Variants in MCPH1 observed in about 807,000 individuals in gnomAD.
MCPH1 encodes microcephalin 1, also known as microcephalin.
MCPH1 carries 104 observed loss-of-function variants against 84.5 expected under a neutral mutation model. That is an observed-to-expected ratio of 1.23 (90% CI 1.05 to 1.45). The LOEUF (loss-of-function observed/expected upper bound fraction) is 1.45, where lower values mean the gene tolerates loss of function less well. Ranked by LOEUF, MCPH1 falls within the 40% of genes most tolerant of loss-of-function variation. The probability of loss-of-function intolerance (pLI) is 0.00; values close to 1 mark genes in which losing one functional copy is unlikely to be tolerated. For synonymous variants in MCPH1, 514 were observed against 366.8 expected (o/e 1.40, Z -4.58); for missense variants, 1,498 against 1,005.7 (o/e 1.49, Z -6.62).
chr8:6,596,215 C>T (rs190072269), intron 12 of MCPH1, among the ~76,000 whole-genome samples: 2 of 152,236 alleles, frequency 1.3e-5, no homozygotes, highest in East Asian at 3.9e-4. Context: ...AGCTCTGCCA[C>T]GAACTGGCAC....
Position 6,589,484 on chromosome 8 carries a change from C to CTGTCA in MCPH1, c.2215-31969_2215-31968insGTCAT, listed in dbSNP as rs1828272299. Among the ~76,000 whole-genome samples, 3 of 152,308 alleles carry CTGTCA rather than the reference C, an allele frequency of 2.0e-5. No individual in the cohort carries two copies. In the South Asian group the frequency reaches 6.2e-4, roughly 32 times the overall value. ...GGCTTTCTGACATCAGCGTGCATTG[C>CTGTCA]TCTGCATGTCACTTGGAGCACCGGC... is the stretch of plus-strand genomic sequence containing the variant. On this transcript the variant is annotated intron_variant, in intron 12 of 13. Transcript: ENST00000344683.
chr8:6,625,914 C>G (rs1832028552), intron 13 of MCPH1: 13 of 985,146 alleles, frequency 1.3e-5, no homozygotes, highest in Admixed American at 6.1e-5. Context: ...CTAGGAACCT[C>G]TCTGAGAAGT....
At chr8:6,434,840 T>A (rs1802409748) in intron 4 of MCPH1, among the ~76,000 whole-genome samples, 1 of 152,186 alleles carries the variant, frequency 6.6e-6, no homozygotes, top group Admixed American at 6.5e-5. Context: ...TGACTTAAAT[T>A]TCCCTGGGGT....
chr8:6,606,000 T>C (rs1360844637), intron 12 of MCPH1, among the ~76,000 whole-genome samples: 1 of 152,328 alleles, frequency 6.6e-6, no homozygotes, highest in East Asian at 1.9e-4. Context: ...CCTGGCTTTG[T>C]AAAAAATTTT....
chr8:6,491,264 T>G (rs1335600300), intron 11 of MCPH1, among the ~76,000 whole-genome samples: 1 of 151,482 alleles, frequency 6.6e-6, no homozygotes, highest in African/African-American at 2.4e-5. Flanking sequence ...GAAGTCAGAG[T>G]GCTTTGCAAT....
chr8:6,573,584 T>C (rs1826836629), intron 12 of MCPH1, among the ~76,000 whole-genome samples: 1 of 152,228 alleles, frequency 6.6e-6, no homozygotes, highest in Non-Finnish European at 1.5e-5. Context: ...TAAAGAGCTT[T>C]GCCATCAAGT....
At chr8:6,498,267 C>T (rs908157903) in intron 11 of MCPH1, among the ~76,000 whole-genome samples, 1 of 152,136 alleles carries the variant, frequency 6.6e-6, no homozygotes, top group Non-Finnish European at 1.5e-5. Flanking sequence ...TTTAAGTTTG[C>T]TTACAGCCTT....
Position 6,444,812 on chromosome 8 carries a change from C to G in MCPH1, c.1090C>G (p.His364Asp), listed in dbSNP as rs1471646973. 19 of 1,614,096 alleles carry G rather than the reference C, an allele frequency of 1.2e-5. No individual in the cohort carries two copies. The highest frequency in any genetic ancestry group is 1.6e-5 in the Non-Finnish European group (19 of 1,180,024). ...GAGAAAAAGAGTATCACATGGCTCCCATTCACCTCCGAAGGAAAAATGCAA... is the reference window on the plus strand; with the variant it reads ...GAGAAAAAGAGTATCACATGGCTCCGATTCACCTCCGAAGGAAAAATGCAA... ...VKRKRVSHGS[H>D]SPPKEKCKRK... The change falls in exon 8 of 14, where the codon CAT becomes GAT. Residue 364 changes from histidine to aspartate, a missense_variant. Transcript: ENST00000344683.
At chr8:6,524,981 T>C (rs1361322841) in intron 12 of MCPH1, among the ~76,000 whole-genome samples, 1 of 152,254 alleles carries the variant, frequency 6.6e-6, no homozygotes, top group African/African-American at 2.4e-5. Context: ...TGCATGTCTG[T>C]CTAGGTGAAT....
intron 3 of MCPH1, among the ~76,000 whole-genome samples, chr8:6,430,926 C>T (rs1369213024): frequency 6.6e-6 from 1 of 152,140 alleles, no homozygotes; most frequent in East Asian, 1.9e-4. Context: ...ATAAGGGTCA[C>T]AGGAATCCAG....
intron 13 of MCPH1, chr8:6,625,777 C>G (rs1432513509): frequency 3.1e-6 from 3 of 982,116 alleles, no homozygotes; most frequent in Non-Finnish European, 3.6e-6. Flanking sequence ...GAGCAAGACC[C>G]CATCTCTAAA....
At chr8:6,600,600 G>T (rs563960320) in intron 12 of MCPH1, among the ~76,000 whole-genome samples, 1 of 152,350 alleles carries the variant, frequency 6.6e-6, no homozygotes, top group South Asian at 2.1e-4. Flanking sequence ...GTGGGGCAGG[G>T]ACTTTACAAT....
chr8:6,495,795 A>T (rs1175099416), intron 11 of MCPH1, among the ~76,000 whole-genome samples: 1 of 152,226 alleles, frequency 6.6e-6, no homozygotes, highest in African/African-American at 2.4e-5. Flanking sequence ...CTTTACTCCT[A>T]AAGTATCATC....
intron 12 of MCPH1, among the ~76,000 whole-genome samples, chr8:6,567,160 G>A (rs1335733125): frequency 1.1e-4 from 7 of 61,720 alleles, no homozygotes; most frequent in Non-Finnish European, 1.7e-4. Flanking sequence ...GATAGTGCCC[G>A]TGGCGTGGTG....
intron 11 of MCPH1, among the ~76,000 whole-genome samples, chr8:6,481,202 A>G (rs1809192840): frequency 6.6e-6 from 1 of 152,208 alleles, no homozygotes; most frequent in Non-Finnish European, 1.5e-5. Flanking sequence ...GCTTTCCTCT[A>G]TGTGTGACCA....
intron 13 of MCPH1, chr8:6,626,004 G>C (rs1832040288): frequency 2.0e-6 from 2 of 985,284 alleles, no homozygotes; most frequent in South Asian, 4.7e-5. Context: ...TGAAACGACA[G>C]CTCTTCCCCT....
At chr8:6,599,914 G>A (rs973083216) in intron 12 of MCPH1, among the ~76,000 whole-genome samples, 5 of 152,198 alleles carry the variant, frequency 3.3e-5, no homozygotes, top group Admixed American at 3.3e-4. Flanking sequence ...TTGCTTCAAT[G>A]CAATTACTAA....
At chr8:6,590,407 C>G (rs1336244782) in intron 12 of MCPH1, among the ~76,000 whole-genome samples, 1 of 143,242 alleles carries the variant, frequency 7.0e-6, no homozygotes, top group Admixed American at 7.4e-5. Flanking sequence ...TAACCAAAAA[C>G]TACACCATGA....
Position 6,627,769 on chromosome 8 carries a change from T to C in MCPH1, c.2452+6078T>C, listed in dbSNP as rs182476657. On this transcript the variant is annotated intron_variant, in intron 13 of 13. Coordinates refer to ENST00000344683, the MANE Select transcript of MCPH1 (RefSeq NM_024596.5). ...TAGCGGGCATGGTGGTGCAAGCCTATAGTTCCAGCTACATGAGAGGCTAAG... is the reference window on the plus strand; with the variant it reads ...TAGCGGGCATGGTGGTGCAAGCCTACAGTTCCAGCTACATGAGAGGCTAAG... 2.6e-5 allele frequency among the ~76,000 whole-genome samples: 4 copies of C among 152,186 alleles called. No homozygotes were observed. In the East Asian group the frequency reaches 7.7e-4, roughly 29 times the overall value.
Sources: gnomAD v4.1 joint callset for allele counts (sites outside exome capture counted in the v4.1 genomes callset) on GRCh38, gnomAD v4.1.1 for gene constraint, MANE v1.5 for transcripts, NCBI Gene and HGNC (gene_info 2026-07-23, HGNC 2026-07-21) for gene names.